Variants in RPP30 observed in about 807,000 individuals in gnomAD.
The protein encoded by RPP30 is ribonuclease P/MRP subunit p30.
A neutral mutation model predicts 38.6 loss-of-function variants in RPP30; 36 were observed. That is an observed-to-expected ratio of 0.93 (90% CI 0.71 to 1.23). RPP30 has a LOEUF of 1.23. Ranked by LOEUF, RPP30 falls within the 50% of genes most tolerant of loss-of-function variation. The pLI is 0.00. For synonymous variants in RPP30, 126 were observed against 112.7 expected (o/e 1.12, Z -0.75); for missense variants, 321 against 321.7 (o/e 1.00, Z 0.02).
In RPP30 at chr10:90,872,071, G is replaced by C; in HGVS notation, c.82+3G>C. 6.2e-7 allele frequency: 1 copy of C among 1,613,884 alleles called. No homozygotes were observed. The highest frequency in any genetic ancestry group is 8.5e-7 in the Non-Finnish European group (1 of 1,179,770). On this transcript the variant is annotated splice_donor_region_variant and intron_variant, in intron 1 of 10. Transcript: ENST00000371703. ...ACTTGTGGAGACAGCCGCTCACCGT[G>C]AGTTGCCCCGGCTTCGCGCCTGGCC...
intron 5 of RPP30, chr10:90,880,101 G>C (rs754004214): frequency 4.5e-5 from 6 of 132,626 alleles, no homozygotes; most frequent in Non-Finnish European, 9.9e-5. Flanking sequence ...AATTCAACCT[G>C]TAACTGATTG....
chr10:90,879,051 T>C lies in RPP30; in HGVS notation c.271-12T>C. 1 of 1,611,216 alleles carries C rather than the reference T, an allele frequency of 6.2e-7. No individual in the cohort carries two copies. Among genetic ancestry groups the C allele is most frequent in the Non-Finnish European group, 8.5e-7 (1 of 1,178,296 alleles). On this transcript the variant is annotated splice_polypyrimidine_tract_variant and intron_variant, in intron 4 of 10. Coordinates refer to ENST00000371703, the MANE Select transcript of RPP30 (RefSeq NM_006413.5). ...TTGTTATTGTATGATAACATTCTTTTTGTATTCCTAGAGAGCAACTTCTTC... is the reference window on the plus strand; with the variant it reads ...TTGTTATTGTATGATAACATTCTTTCTGTATTCCTAGAGAGCAACTTCTTC...
At chr10:90,890,782 C>T (rs527923829) in intron 6 of RPP30, among the ~76,000 whole-genome samples, 1 of 150,334 alleles carries the variant, frequency 6.7e-6, no homozygotes, top group East Asian at 2.0e-4. Flanking sequence ...ATTCCCTTAA[C>T]ACATAAAGAC....
intron 1 of RPP30, among the ~76,000 whole-genome samples, chr10:90,872,833 T>A (rs1846799858): frequency 6.6e-6 from 1 of 152,292 alleles, no homozygotes; most frequent in African/African-American, 2.4e-5. Flanking sequence ...CTTGGCAAAG[T>A]GAATCACACC....
intron 5 of RPP30, 124 bp downstream of exon 5, chr10:90,879,258 G>T: frequency 1.4e-6 from 1 of 708,396 alleles, no homozygotes; most frequent in East Asian, 2.7e-5. Flanking sequence ...ATTTATACTT[G>T]GAGTTTCTAG....
At chr10:90,877,504 T>C (rs1589494169) in intron 4 of RPP30, among the ~76,000 whole-genome samples, 1 of 151,826 alleles carries the variant, frequency 6.6e-6, no homozygotes, top group East Asian at 1.9e-4. Context: ...TGAGCTAGGA[T>C]TGGAGACTGA....
At chr10:90,903,362 A>G, downstream of RPP30, 1 of 739,246 alleles carries the variant, frequency 1.4e-6, no homozygotes, top group Non-Finnish European at 2.3e-6. Context: ...GTCCCACCTT[A>G]ATTTATGAAT....
intron 5 of RPP30, among the ~76,000 whole-genome samples, chr10:90,882,812 A>G (rs543018123): frequency 6.6e-6 from 1 of 152,236 alleles, no homozygotes; most frequent in Non-Finnish European, 1.5e-5. Flanking sequence ...TTTAAAAAAT[A>G]AAAGTAAATG....
At chr10:90,872,255 G>T (rs1302789692) in intron 1 of RPP30, 187 bp downstream of exon 1, 3 of 604,744 alleles carry the variant, frequency 5.0e-6, no homozygotes, top group Non-Finnish European at 9.0e-6. Flanking sequence ...GGTTCTGGGG[G>T]TTGTTATCTG....
chr10:90,902,434 C>T, downstream of RPP30: 1 of 236,320 alleles, frequency 4.2e-6, no homozygotes, highest in Non-Finnish European at 8.8e-6. Flanking sequence ...CCAGGCTAGT[C>T]TCAAACTCCT....
chr10:90,877,248 G>T (rs536487715), intron 4 of RPP30, among the ~76,000 whole-genome samples: 9 of 152,132 alleles, frequency 5.9e-5, no homozygotes, highest in Admixed American at 5.9e-4. Context: ...AGAGGCAGAG[G>T]TTGCAGTGAG....
intron 6 of RPP30, among the ~76,000 whole-genome samples, chr10:90,893,607 A>T (rs1488721696): frequency 1.1e-4 from 16 of 152,094 alleles, no homozygotes; most frequent in Admixed American, 1.0e-3. Context: ...TGTCTTCCTC[A>T]TTATTTTTCT....
chr10:90,895,335 T>C (rs1006249080), intron 7 of RPP30, 119 bp from the exon 8 acceptor site: 1 of 611,608 alleles, frequency 1.6e-6, no homozygotes, highest in Admixed American at 3.0e-5. Context: ...TACCTTATCT[T>C]TAAAAGAAGT....
chr10:90,873,523 T>C (rs930718643), intron 1 of RPP30, among the ~76,000 whole-genome samples: 4 of 152,230 alleles, frequency 2.6e-5, no homozygotes, highest in Non-Finnish European at 4.4e-5. Flanking sequence ...TTCAGAAATA[T>C]ACTGTGTAAA....
rs1847121069 is a variant in RPP30 at position 90,894,805 on chromosome 10, G to T, written c.463G>T (p.Val155Phe). Residue 155 changes from valine to phenylalanine, a missense_variant, in exon 7 of 11, where the codon GTC becomes TTC. By Grantham distance (50) the Val-to-Phe change is conservative. Coordinates refer to ENST00000371703, the MANE Select transcript of RPP30 (RefSeq NM_006413.5). ...TGACCGAGGCCTGGCTTTTGAACTTGTCTATAGCCCTGCTATCAAAGACTC... is the reference window on the plus strand; with the variant it reads ...TGACCGAGGCCTGGCTTTTGAACTTTTCTATAGCCCTGCTATCAAAGACTC... ...AIDRGLAFELVYSPAIKDSTM... is the reference protein window; with the variant it reads ...AIDRGLAFELFYSPAIKDSTM... 2 of 1,613,190 alleles carry T rather than the reference G, an allele frequency of 1.2e-6. No individual in the cohort carries two copies. The highest frequency in any genetic ancestry group is 3.3e-5 in the Admixed American group (2 of 59,954).
At chr10:90,883,439 G>C (rs1211944879) in intron 5 of RPP30, among the ~76,000 whole-genome samples, 1 of 152,110 alleles carries the variant, frequency 6.6e-6, no homozygotes, top group Non-Finnish European at 1.5e-5. Context: ...GCGTTTCATT[G>C]TAGTGTGAAC....
At chr10:90,903,664 C>G (rs907833369), downstream of RPP30, among the ~76,000 whole-genome samples, 3 of 152,194 alleles carry the variant, frequency 2.0e-5, no homozygotes, top group Admixed American at 6.5e-5. Flanking sequence ...CTAATATTTA[C>G]TTTCGTTAGA....
At chr10:90,899,998 G>T (rs556266004) in intron 10 of RPP30, among the ~76,000 whole-genome samples, 4 of 152,228 alleles carry the variant, frequency 2.6e-5, no homozygotes, top group Admixed American at 2.6e-4. Flanking sequence ...TTTGTTCATT[G>T]TCACCAGTTA....
chr10:90,907,085 A>G (rs1413606120), downstream of RPP30, among the ~76,000 whole-genome samples: 2 of 152,242 alleles, frequency 1.3e-5, no homozygotes, highest in African/African-American at 4.8e-5. Context: ...ATGTGGCAAC[A>G]TAAAACTTTT....
Sources: gnomAD v4.1 joint callset for allele counts (sites outside exome capture counted in the v4.1 genomes callset) on GRCh38, gnomAD v4.1.1 for gene constraint, MANE v1.5 for transcripts, NCBI Gene and HGNC (gene_info 2026-07-23, HGNC 2026-07-21) for gene names.